Variants in KAZN observed in about 807,000 individuals in gnomAD.
KAZN encodes the protein kazrin, periplakin interacting protein, also known as kazrin.
Under a neutral mutation model 87.4 loss-of-function variants are expected in KAZN, and 40 were observed. The ratio of observed to expected loss-of-function variants is 0.46; its 90% CI spans 0.36 to 0.60. The LOEUF (loss-of-function observed/expected upper bound fraction) is 0.60. KAZN is among the 20% of genes least tolerant of loss of function. KAZN has a pLI of 0.00. For missense variants in KAZN, 898 were observed against 1,073.9 expected (o/e 0.84, Z 2.29); for synonymous variants, 466 against 458.3 (o/e 1.02, Z -0.22).
At chr1:14,368,865 T>C (rs867786466) in intron 2 of KAZN, among the ~76,000 whole-genome samples, 18 of 152,214 alleles carry the variant, frequency 1.2e-4, no homozygotes, top group African/African-American at 4.3e-4. Flanking sequence ...TACTGGCTTT[T>C]TTTTTCTCCA....
chr1:14,992,776 T>C (rs927264256), intron 2 of KAZN, among the ~76,000 whole-genome samples: 4 of 152,018 alleles, frequency 2.6e-5, no homozygotes, highest in African/African-American at 4.8e-5. Context: ...CCCAAGTAGC[T>C]GGGATTATAG....
intron 2 of KAZN, among the ~76,000 whole-genome samples, chr1:14,988,265 C>T (rs1215679419): frequency 6.6e-6 from 1 of 152,230 alleles, no homozygotes; most frequent in African/African-American, 2.4e-5. Flanking sequence ...CCATCAGCCC[C>T]ATCTCTTCCT....
At chr1:14,775,063 A>T (rs1201950574) in intron 1 of KAZN, among the ~76,000 whole-genome samples, 1 of 151,970 alleles carries the variant, frequency 6.6e-6, no homozygotes, top group Non-Finnish European at 1.5e-5. Flanking sequence ...GCCCACCCAC[A>T]CTCTGCACCT....
chr1:14,765,302 G>A (rs1644856115), intron 1 of KAZN, among the ~76,000 whole-genome samples: 1 of 152,208 alleles, frequency 6.6e-6, no homozygotes, highest in Admixed American at 6.5e-5. Flanking sequence ...TGCTGTAGAT[G>A]AAATAGAAGC....
At chr1:13,982,755 C>T (rs1055223579) in intron 1 of KAZN, among the ~76,000 whole-genome samples, 2 of 152,200 alleles carry the variant, frequency 1.3e-5, no homozygotes, top group African/African-American at 4.8e-5. Flanking sequence ...CAAGGCCCCA[C>T]CAGAGCAGCT....
chr1:14,135,480 A>G (rs1217150947), intron 1 of KAZN, among the ~76,000 whole-genome samples: 2 of 152,216 alleles, frequency 1.3e-5, no homozygotes, highest in Admixed American at 1.3e-4. Flanking sequence ...AATGTTTATG[A>G]AAACAGCTAA....
intron 1 of KAZN, among the ~76,000 whole-genome samples, chr1:13,910,027 G>A (rs1479053847): frequency 6.6e-6 from 1 of 152,226 alleles, no homozygotes; most frequent in Admixed American, 6.5e-5. Context: ...GATACTTTCA[G>A]TGGGGTCTGG....
At chr1:15,009,219 C>T (rs1010128721) in intron 2 of KAZN, among the ~76,000 whole-genome samples, 22 of 152,192 alleles carry the variant, frequency 1.4e-4, no homozygotes, top group African/African-American at 4.8e-4. Context: ...AAAGCACGCC[C>T]AGGGTTAGAG....
intron 1 of KAZN, among the ~76,000 whole-genome samples, chr1:13,966,593 T>C (rs559316736): frequency 6.6e-6 from 1 of 152,224 alleles, no homozygotes; most frequent in East Asian, 1.9e-4. Flanking sequence ...GGATCTGAAC[T>C]CAGGAGGACC....
chr1:14,780,882 T>A (rs1279709512), intron 1 of KAZN, among the ~76,000 whole-genome samples: 1 of 152,106 alleles, frequency 6.6e-6, no homozygotes, highest in Non-Finnish European at 1.5e-5. Flanking sequence ...TTATCTTGAC[T>A]TAGAAATGGA....
intron 1 of KAZN, among the ~76,000 whole-genome samples, chr1:13,982,370 C>G (rs568078055): frequency 6.6e-6 from 1 of 152,252 alleles, no homozygotes; most frequent in East Asian, 1.9e-4. Flanking sequence ...CGGATGTGTT[C>G]GGAGTTTCTT....
chr1:14,397,956 A>G (rs990518217), intron 2 of KAZN, among the ~76,000 whole-genome samples: 2 of 152,126 alleles, frequency 1.3e-5, no homozygotes, highest in East Asian at 1.9e-4. Context: ...GCATTGCAGA[A>G]TAAGAGACAT....
At chr1:14,957,903 C>T (rs948234564) in intron 1 of KAZN, among the ~76,000 whole-genome samples, 4 of 152,178 alleles carry the variant, frequency 2.6e-5, no homozygotes, top group Admixed American at 6.5e-5. Flanking sequence ...AGGAAGGACT[C>T]GGGTTAGGAG....
intron 2 of KAZN, among the ~76,000 whole-genome samples, chr1:14,207,148 G>A (rs4662134): frequency 0.015 from 2,313 of 152,076 alleles, 24 homozygotes; most frequent in Middle Eastern, 0.037. Context: ...ATTTTTGGTA[G>A]AGATGGAGTT....
chr1:14,237,775 G>A (rs751098263), intron 2 of KAZN, among the ~76,000 whole-genome samples: 2 of 152,130 alleles, frequency 1.3e-5, no homozygotes, highest in Non-Finnish European at 2.9e-5. Flanking sequence ...TTGAACCAGA[G>A]CCCTGGCAGG....
chr1:14,913,027 G>A (rs531959372), intron 1 of KAZN, among the ~76,000 whole-genome samples: 6 of 152,284 alleles, frequency 3.9e-5, no homozygotes, highest in South Asian at 2.1e-4. Flanking sequence ...GGCAAGATGC[G>A]GAGGGGCTGG....
At chr1:13,962,135 G>A (rs1199711334) in intron 1 of KAZN, among the ~76,000 whole-genome samples, 1 of 152,178 alleles carries the variant, frequency 6.6e-6, no homozygotes, top group African/African-American at 2.4e-5. Context: ...GCAGGGAGGT[G>A]AGCTGTGTGG....
chr1:14,854,938 C>T (rs144177613), intron 1 of KAZN, among the ~76,000 whole-genome samples: 39 of 152,226 alleles, frequency 2.6e-4, no homozygotes, highest in African/African-American at 8.9e-4. Flanking sequence ...CTCAAGAAAT[C>T]GGCTTTCAGA....
intron 2 of KAZN, among the ~76,000 whole-genome samples, chr1:14,537,839 G>A: frequency 6.6e-6 from 1 of 152,168 alleles, no homozygotes; most frequent in East Asian, 1.9e-4. Context: ...TGAGTATCTA[G>A]CCCCCTGGTA....
Sources: gnomAD v4.1 joint callset for allele counts (sites outside exome capture counted in the v4.1 genomes callset) on GRCh38, gnomAD v4.1.1 for gene constraint, MANE v1.5 for transcripts, NCBI Gene and HGNC (gene_info 2026-07-23, HGNC 2026-07-21) for gene names.